Variants in GALNT18 observed in about 807,000 individuals in gnomAD.
The protein encoded by GALNT18 is GalNAc-transferase 18.
In GALNT18, 44 loss-of-function variants were observed where a neutral mutation model predicts 69.5. That is an observed-to-expected ratio of 0.63 (90% CI 0.50 to 0.81). The LOEUF is 0.81. Among genes scored for constraint, GALNT18 ranks in the 40% least tolerant of loss-of-function variants. GALNT18 has a pLI of 0.00. For synonymous variants in GALNT18, 364 were observed against 318.2 expected, an observed-to-expected ratio of 1.14 and a Z score of -1.53; for missense variants, 715 against 810.0, an observed-to-expected ratio of 0.88 and a Z score of 1.42.
rs184933938 is a variant in GALNT18, at chr11:11,321,956, G to A, written c.1512+5130C>T. On this transcript the variant is annotated intron_variant, in intron 9 of 10. Transcript: ENST00000227756. ...CCCCCATGGCAGATGGCACCATGGGGTCAAGGAGAGTCAGTCCAGGGTTGG... is the reference window on the plus strand; with the variant it reads ...CCCCCATGGCAGATGGCACCATGGGATCAAGGAGAGTCAGTCCAGGGTTGG... 1.8e-3 allele frequency among the ~76,000 whole-genome samples: 273 copies of A among 152,326 alleles called. 1 individual carries two copies. The highest frequency in any genetic ancestry group is 3.1e-3 in the Non-Finnish European group (213 of 68,018).
In GALNT18 at chr11:11,563,008, A is replaced by G. The variant is rs940954610; in HGVS notation, c.235+58351T>C. ...TGTGCTCTTTCTCTCCGTGCCTTCT[A>G]CAATTTGCCAACTTGGTCCTGACGT... is the stretch of plus-strand genomic sequence containing the variant. On this transcript the variant is annotated intron_variant, in intron 1 of 10. Transcript: ENST00000227756. This position sits in a 1 kb window ranked among gnomAD's most constrained non-coding sequence, Gnocchi z 4.6. 2.0e-5 allele frequency among the ~76,000 whole-genome samples: 3 copies of G among 152,046 alleles called. No individual in the cohort carries two copies. The highest frequency in any genetic ancestry group is 2.9e-5 in the Non-Finnish European group (2 of 68,002).
At chr11:11,410,694 T>G (rs890605544) in intron 3 of GALNT18, among the ~76,000 whole-genome samples, 13 of 152,192 alleles carry the variant, frequency 8.5e-5, no homozygotes, top group Non-Finnish European at 1.6e-4. Context: ...AAGAGGCATT[T>G]TCCCCTGGGT....
At position 11,405,295 on chromosome 11, in the gene GALNT18, T is replaced by A. The variant is rs139852438; in HGVS notation, c.596-26031A>T. 6.6e-5 allele frequency among the ~76,000 whole-genome samples: 10 copies of A among 152,338 alleles called. No homozygotes were observed. In the East Asian group the frequency reaches 1.9e-3, roughly 29 times the overall value. On this transcript the variant is annotated intron_variant, in intron 3 of 10. Transcript: ENST00000227756. ...CATGAGAAAACCACGGCATCACTGT[T>A]AAAAATCATTTGGTTTTATTCCCAC...
intron 1 of GALNT18, among the ~76,000 whole-genome samples, chr11:11,479,658 G>A (rs1034163731): frequency 5.9e-5 from 9 of 152,004 alleles, no homozygotes; most frequent in Admixed American, 1.3e-4. Flanking sequence ...ATTTATTTCC[G>A]TGGTTTACTG....
chr11:11,284,728 G>A (rs922358846), intron 10 of GALNT18, among the ~76,000 whole-genome samples: 1 of 152,080 alleles, frequency 6.6e-6, no homozygotes, highest in African/African-American at 2.4e-5. Context: ...CTTTAAGCAT[G>A]GTGAGCTCAG....
Position 11,309,541 on chromosome 11 carries a change from C to T in GALNT18, c.1513-16348G>A, listed in dbSNP as rs915319967. The stretch of plus-strand genomic sequence containing the variant: ...AATTCCTTACTTTTTCTGCCTTTTA[C>T]ACCCTGTAAACCCCACCTCTATAGC... On this transcript the variant is annotated intron_variant, in intron 9 of 10. Coordinates refer to ENST00000227756, the MANE Select transcript of GALNT18 (RefSeq NM_198516.3). This position sits in a 1 kb window ranked among gnomAD's most constrained non-coding sequence, Gnocchi z 4.6. Among the ~76,000 whole-genome samples the T allele has an allele frequency of 6.6e-6, 1 of 152,156 alleles. No homozygotes were observed. Among genetic ancestry groups the T allele is most frequent in the Non-Finnish European group, 1.5e-5 (1 of 68,044 alleles).
chr11:11,321,534 C>G lies in GALNT18; in HGVS notation c.1512+5552G>C, dbSNP rs1006666857. Among the ~76,000 whole-genome samples, 3 of 152,206 alleles carry G rather than the reference C, an allele frequency of 2.0e-5. No homozygotes were observed. In the South Asian group the frequency reaches 6.2e-4, roughly 31 times the overall value. On this transcript the variant is annotated intron_variant, in intron 9 of 10. Coordinates refer to ENST00000227756, the MANE Select transcript of GALNT18 (RefSeq NM_198516.3). ...GCATCCCAATGCCCACTTCACTGTC[C>G]TTTCCTAACTCCCTTACATTTTTGG...
At chr11:11,355,317 A>G (rs1201847090) in intron 6 of GALNT18, among the ~76,000 whole-genome samples, 1 of 152,154 alleles carries the variant, frequency 6.6e-6, no homozygotes, top group Non-Finnish European at 1.5e-5. Context: ...AGCACTCCCT[A>G]TGGACTGAAT....
At position 11,582,724 on chromosome 11, in the gene GALNT18, A is replaced by G. The variant is rs1194271510; in HGVS notation, c.235+38635T>C. ...TAACCCAGTGGAAACTAACCAACACAGCCTTTCAGCCCTCATCAAAGGTGA... is the reference window on the plus strand; with the variant it reads ...TAACCCAGTGGAAACTAACCAACACGGCCTTTCAGCCCTCATCAAAGGTGA... On this transcript the variant is annotated intron_variant, in intron 1 of 10. Transcript: ENST00000227756. This position sits in a 1 kb window ranked among gnomAD's most constrained non-coding sequence, Gnocchi z 5.0. 6.6e-6 allele frequency among the ~76,000 whole-genome samples: 1 copy of G among 152,244 alleles called. No individual in the cohort carries two copies. Among genetic ancestry groups the G allele is most frequent in the Non-Finnish European group, 1.5e-5 (1 of 68,044 alleles).
chr11:11,529,352 C>T (rs550110087), intron 1 of GALNT18, among the ~76,000 whole-genome samples: 6 of 152,196 alleles, frequency 3.9e-5, no homozygotes, highest in Non-Finnish European at 8.8e-5. Context: ...AAGGCTGACC[C>T]TTCTGTGAAT....
intron 10 of GALNT18, among the ~76,000 whole-genome samples, chr11:11,273,381 T>A (rs907373056): frequency 6.6e-6 from 1 of 152,058 alleles, no homozygotes; most frequent in African/African-American, 2.4e-5. Context: ...AATTAAAAAA[T>A]GGGCAAAAGA....
At chr11:11,485,739 G>A (rs1856630731) in intron 1 of GALNT18, among the ~76,000 whole-genome samples, 1 of 152,200 alleles carries the variant, frequency 6.6e-6, no homozygotes, top group Non-Finnish European at 1.5e-5. Flanking sequence ...GGGCCAGCAT[G>A]AAGAACAGGG....
intron 1 of GALNT18, among the ~76,000 whole-genome samples, chr11:11,514,591 G>A (rs1425958232): frequency 1.3e-5 from 2 of 152,164 alleles, no homozygotes; most frequent in East Asian, 1.9e-4. Context: ...CTAGTCCTGC[G>A]ACCCCTTCCT....
intron 6 of GALNT18, among the ~76,000 whole-genome samples, chr11:11,369,904 G>A (rs1280429915): frequency 1.3e-5 from 2 of 152,152 alleles, no homozygotes; most frequent in African/African-American, 4.8e-5. Flanking sequence ...CTGCATGGCT[G>A]TTGCAATATC....
At chr11:11,311,442 G>A (rs927387163) in intron 9 of GALNT18, among the ~76,000 whole-genome samples, 1 of 152,144 alleles carries the variant, frequency 6.6e-6, no homozygotes, top group Admixed American at 6.5e-5. Flanking sequence ...ATTTTGAATG[G>A]GGGAATGAAT....
chr11:11,501,790 G>T (rs1244758780), intron 1 of GALNT18, among the ~76,000 whole-genome samples: 2 of 152,186 alleles, frequency 1.3e-5, no homozygotes, highest in Admixed American at 6.5e-5. Flanking sequence ...GTGCTTCTGG[G>T]TGCCAGACTC....
chr11:11,501,154 A>T (rs2133899134), intron 1 of GALNT18, among the ~76,000 whole-genome samples: 1 of 152,394 alleles, frequency 6.6e-6, no homozygotes, highest in South Asian at 2.1e-4. Flanking sequence ...TCCCATATTC[A>T]GAAGGTAAAA....
intron 9 of GALNT18, among the ~76,000 whole-genome samples, chr11:11,324,074 C>G (rs546530170): frequency 6.6e-6 from 1 of 152,294 alleles, no homozygotes; most frequent in South Asian, 2.1e-4. Flanking sequence ...TGTGAGGACA[C>G]AGCAAGAAGG....
chr11:11,378,934 G>T, intron 4 of GALNT18, 147 bp downstream of exon 4: 1 of 761,722 alleles, frequency 1.3e-6, no homozygotes, highest in Non-Finnish European at 2.0e-6. Flanking sequence ...TTGTTGCCTG[G>T]CTCACTCACA....
Sources: gnomAD v4.1 joint callset for allele counts (sites outside exome capture counted in the v4.1 genomes callset) on GRCh38, gnomAD v4.1.1 for gene constraint, Gnocchi (gnomAD v3.1) non-coding constraint, MANE v1.5 for transcripts, NCBI Gene and HGNC (gene_info 2026-07-23, HGNC 2026-07-21) for gene names.